Variants in IL6R observed in about 807,000 individuals in gnomAD.
IL6R encodes the protein interleukin 6 receptor.
In IL6R, 38 loss-of-function variants were observed where a neutral mutation model predicts 48.3. That is an observed-to-expected ratio of 0.79 (90% CI 0.61 to 1.03). IL6R has a LOEUF of 1.03. Ranked by LOEUF, IL6R falls within the 50% of genes least tolerant of loss-of-function variation. The probability of loss-of-function intolerance (pLI) is 0.00; values close to 1 mark genes in which losing one functional copy is unlikely to be tolerated. For synonymous variants in IL6R, 264 were observed against 256.2 expected (o/e 1.03, Z -0.29); for missense variants, 534 against 618.3 (o/e 0.86, Z 1.45).
chr1:154,437,003 T>G (rs1689660018), intron 6 of IL6R, among the ~76,000 whole-genome samples: 1 of 152,250 alleles, frequency 6.6e-6, no homozygotes, highest in African/African-American at 2.4e-5. Context: ...ATATTCCCCA[T>G]GTTGTCAATT....
At position 154,439,312 on chromosome 1, in the gene IL6R, A is replaced by ATAT. The variant is rs776432789; in HGVS notation, c.949+3216_949+3218dup. Among the ~76,000 whole-genome samples, 5 of 152,224 alleles carry ATAT rather than the reference A, an allele frequency of 3.3e-5. No individual in the cohort carries two copies. In the East Asian group the frequency reaches 7.7e-4, roughly 23 times the overall value. On this transcript the variant is annotated intron_variant, in intron 6 of 9. Coordinates refer to ENST00000368485, the MANE Select transcript of IL6R (RefSeq NM_000565.4). ...AAAATGTACATAAGATTTACCATTT[A>ATAT]TATTATTATTATTATTTTTTGAGAC...
chr1:154,464,831 C>T (rs115319885), intron 9 of IL6R, among the ~76,000 whole-genome samples: 2,088 of 152,164 alleles, frequency 0.014, 58 homozygotes, highest in African/African-American at 0.048. Flanking sequence ...TAGTGGCACA[C>T]ACCTGTAGCC....
chr1:154,440,841 C>T (rs536550989), intron 6 of IL6R, among the ~76,000 whole-genome samples: 7 of 151,986 alleles, frequency 4.6e-5, no homozygotes, highest in African/African-American at 1.4e-4. Flanking sequence ...TTAGCAGAGA[C>T]GGGGCTTTGC....
chr1:154,435,859 G>A, intron 5 of IL6R, 110 bp from the exon 6 acceptor site: 1 of 942,552 alleles, frequency 1.1e-6, no homozygotes, highest in Non-Finnish European at 1.6e-6. Context: ...GCCTCTAGAG[G>A]CCTCTGCCAG....
At chr1:154,410,600 C>T (rs1024770757) in intron 1 of IL6R, among the ~76,000 whole-genome samples, 1 of 152,168 alleles carries the variant, frequency 6.6e-6, no homozygotes, top group Non-Finnish European at 1.5e-5. Flanking sequence ...TCTCCTCTTG[C>T]CTGGGATCTG....
At chr1:154,422,375 C>T (rs1398726787) in intron 1 of IL6R, among the ~76,000 whole-genome samples, 1 of 152,184 alleles carries the variant, frequency 6.6e-6, no homozygotes, top group Non-Finnish European at 1.5e-5. Context: ...AATAATTGAT[C>T]CCTCTTCTTA....
At chr1:154,419,871 T>G (rs1570933922) in intron 1 of IL6R, among the ~76,000 whole-genome samples, 1 of 152,226 alleles carries the variant, frequency 6.6e-6, no homozygotes, top group East Asian at 1.9e-4. Context: ...CTGTTTGGAT[T>G]CCTGGCACCC....
chr1:154,414,431 GTAGT>G, intron 1 of IL6R: 1 of 1,378,542 alleles, frequency 7.3e-7, no homozygotes, highest in Middle Eastern at 1.9e-4. Context: ...GGAGGGAATG[GTAGT>G]GTCTTCTGGC....
At chr1:154,423,978 C>T (rs1052353882) in intron 1 of IL6R, among the ~76,000 whole-genome samples, 4 of 152,200 alleles carry the variant, frequency 2.6e-5, no homozygotes, top group Admixed American at 2.6e-4. Context: ...AAGAGCTTCC[C>T]GCTGAACTGG....
chr1:154,418,590 C>T (rs1041510942), intron 1 of IL6R, among the ~76,000 whole-genome samples: 1 of 152,156 alleles, frequency 6.6e-6, no homozygotes, highest in African/African-American at 2.4e-5. Flanking sequence ...GGTTGCTGGG[C>T]CTCCCATTAG....
At chr1:154,452,216 T>A (rs1200393609) in intron 8 of IL6R, among the ~76,000 whole-genome samples, 6 of 152,034 alleles carry the variant, frequency 3.9e-5, no homozygotes, top group Non-Finnish European at 7.4e-5. Flanking sequence ...AAATCCAAGC[T>A]CTCTCTGGCT....
intron 1 of IL6R, among the ~76,000 whole-genome samples, chr1:154,422,153 G>A (rs1263434169): frequency 1.3e-5 from 2 of 151,778 alleles, no homozygotes; most frequent in African/African-American, 2.4e-5. Flanking sequence ...TGTTGGTCAG[G>A]CTGCTCTCAA....
chr1:154,419,023 G>A (rs1688507690), intron 1 of IL6R, among the ~76,000 whole-genome samples: 1 of 152,138 alleles, frequency 6.6e-6, no homozygotes, highest in African/African-American at 2.4e-5. Flanking sequence ...CCCAGAGAAG[G>A]GAGCTGGGGG....
chr1:154,457,731 T>C (rs943472835), intron 9 of IL6R, among the ~76,000 whole-genome samples: 1 of 152,184 alleles, frequency 6.6e-6, no homozygotes, highest in South Asian at 2.1e-4. Context: ...CCCTAAAAGA[T>C]GTCAGGCTGG....
At chr1:154,454,660 A>T in intron 9 of IL6R, 79 bp downstream of exon 9, 1 of 950,654 alleles carries the variant, frequency 1.1e-6, no homozygotes, top group South Asian at 1.3e-5. Context: ...TCTGAAATTT[A>T]TGGTGCATTT....
rs1226575561 is a variant in IL6R, at chr1:154,449,042, C to T, written c.997-869C>T. Among the ~76,000 whole-genome samples the T allele has an allele frequency of 6.8e-5, 10 of 147,124 alleles. No homozygotes were observed. In the South Asian group the frequency reaches 1.1e-3, roughly 16 times the overall value. On this transcript the variant is annotated intron_variant, in intron 7 of 9. Transcript: ENST00000368485. Reference sequence around the variant, plus strand: ...CCGAGTAGCTGGGACTACAGGCGCCCGCGACCGCGCCTGGCTAATTTTTTT... The same window carrying T: ...CCGAGTAGCTGGGACTACAGGCGCCTGCGACCGCGCCTGGCTAATTTTTTT...
chr1:154,432,524 A>T (rs957299637), intron 3 of IL6R, among the ~76,000 whole-genome samples: 2 of 151,820 alleles, frequency 1.3e-5, no homozygotes, highest in African/African-American at 4.8e-5. Flanking sequence ...CGCCTGGCTA[A>T]TCTTTGTATT....
intron 9 of IL6R, among the ~76,000 whole-genome samples, chr1:154,462,870 C>T (rs6427672): frequency 0.67 from 102,323 of 152,070 alleles, 35,885 homozygotes; most frequent in East Asian, 0.83. Flanking sequence ...TGCAGTGGCA[C>T]AATCTCAGCA....
intron 1 of IL6R, among the ~76,000 whole-genome samples, chr1:154,426,919 A>AT (rs397825571): frequency 0.39 from 55,455 of 143,072 alleles, 10,787 homozygotes; most frequent in Admixed American, 0.51. Context: ...GGGACTCAGA[A>AT]TTTTTTTTTT....
Sources: allele counts gnomAD v4.1 joint callset (sites outside exome capture counted in the v4.1 genomes callset), GRCh38; gene constraint gnomAD v4.1.1; transcripts MANE v1.5; gene names NCBI Gene and HGNC (gene_info 2026-07-23, HGNC 2026-07-21).